CHLSN: variants seen among roughly 807,000 people sequenced by gnomAD.
CHLSN encodes the protein protein cholesin.
chr7:1,019,110 T>G, the CHLSN span, among the ~76,000 whole-genome samples: 2 of 146,896 alleles, frequency 1.4e-5, no homozygotes, highest in Admixed American at 6.9e-5. Flanking sequence ...CAGAACTGCT[T>G]GAACCCGCGG....
At chr7:994,747 C>T in the CHLSN span, among the ~76,000 whole-genome samples, 5 of 152,234 alleles carry the variant, frequency 3.3e-5, no homozygotes, top group African/African-American at 1.2e-4. Flanking sequence ...CATGAGTTAT[C>T]AGTGTGTGGC....
At chr7:1,057,100 C>T in the CHLSN span, among the ~76,000 whole-genome samples, 1 of 152,148 alleles carries the variant, frequency 6.6e-6, no homozygotes, top group Non-Finnish European at 1.5e-5. Flanking sequence ...GCCTGTCCCT[C>T]CCGGCGCTGG....
the CHLSN span, among the ~76,000 whole-genome samples, chr7:1,080,552 C>G: frequency 6.6e-6 from 1 of 152,232 alleles, no homozygotes; most frequent in Admixed American, 6.5e-5. Flanking sequence ...CACCCAGGGA[C>G]GGGCAGAGGA....
chr7:997,918 A>C, the CHLSN span: 3 of 984,766 alleles, frequency 3.0e-6, no homozygotes, highest in Non-Finnish European at 4.6e-6. Flanking sequence ...CCGTCCTCCC[A>C]CTGCGGCCCG....
the CHLSN span, among the ~76,000 whole-genome samples, chr7:1,002,546 TGGGTGAGTGGAGTCCTGC>T: frequency 8.4e-5 from 7 of 83,326 alleles, 1 homozygote; most frequent in Non-Finnish European, 1.6e-4. Context: ...TGGAGCCCTG[TGGGTGAGTGGAGTCCTGC>T]GGGTGAGTGG....
At chr7:1,015,392 T>C in the CHLSN span, among the ~76,000 whole-genome samples, 4 of 152,194 alleles carry the variant, frequency 2.6e-5, no homozygotes, top group Non-Finnish European at 5.9e-5. Flanking sequence ...CCCTGTCTCA[T>C]GAACAGGGTT....
chr7:1,001,264 C>T, the CHLSN span, among the ~76,000 whole-genome samples: 367 of 152,316 alleles, frequency 2.4e-3, 3 homozygotes, highest in Non-Finnish European at 3.9e-3. Flanking sequence ...AGGCTCAGCA[C>T]GGGGGAGGGC....
At chr7:1,057,756 C>T in the CHLSN span, 2 of 775,844 alleles carry the variant, frequency 2.6e-6, no homozygotes, top group Non-Finnish European at 4.8e-6. Context: ...CGCCCTGGCC[C>T]CTGTGCACCT....
At chr7:1,016,562 C>A in the CHLSN span, among the ~76,000 whole-genome samples, 1 of 144,502 alleles carries the variant, frequency 6.9e-6, no homozygotes, top group Non-Finnish European at 1.5e-5. Context: ...CGCACAGCAG[C>A]GCACACCAGT....
the CHLSN span, among the ~76,000 whole-genome samples, chr7:987,977 T>TG: frequency 3.4e-5 from 2 of 59,132 alleles, no homozygotes; most frequent in Non-Finnish European, 5.6e-5. Context: ...CTGTGTGTCC[T>TG]GGGGGGGTCC....
the CHLSN span, among the ~76,000 whole-genome samples, chr7:1,023,898 C>T: frequency 6.6e-6 from 1 of 152,150 alleles, no homozygotes; most frequent in Non-Finnish European, 1.5e-5. This position sits in a 1 kb window ranked among gnomAD's most constrained non-coding sequence, Gnocchi z 5.0. Context: ...TGGACTGCAG[C>T]GGCACCATCA....
chr7:997,746 G>A, the CHLSN span: 2 of 1,611,124 alleles, frequency 1.2e-6, no homozygotes, highest in South Asian at 2.2e-5. Flanking sequence ...CAGCTCTCGG[G>A]CCCGGCCCTG....
the CHLSN span, among the ~76,000 whole-genome samples, chr7:1,136,129 A>AATATACATAATTATAAAT: frequency 1.2e-5 from 1 of 81,090 alleles, no homozygotes; most frequent in African/African-American, 4.8e-5. Context: ...AATATATATA[A>AATATACATAATTATAAAT]ATATATACAT....
chr7:984,943 C>T, the CHLSN span: 8 of 1,593,002 alleles, frequency 5.0e-6, no homozygotes, highest in Admixed American at 1.7e-5. Flanking sequence ...ACTGTATCTG[C>T]CTACAGGCAT....
the CHLSN span, among the ~76,000 whole-genome samples, chr7:1,102,323 C>T: frequency 6.6e-6 from 1 of 152,238 alleles, no homozygotes; most frequent in Non-Finnish European, 1.5e-5. Context: ...CCGCGCAGTC[C>T]CACTAAAGCT....
the CHLSN span, among the ~76,000 whole-genome samples, chr7:987,845 C>T: frequency 3.4e-5 from 5 of 149,206 alleles, no homozygotes; most frequent in Admixed American, 2.7e-4. Flanking sequence ...CCTCTGTATC[C>T]TGGGGGGGTC....
the CHLSN span, chr7:1,000,619 G>T: frequency 7.7e-7 from 1 of 1,298,238 alleles, no homozygotes; most frequent in Non-Finnish European, 1.1e-6. Context: ...TCTGCCCTGA[G>T]AGATCGGGGA....
chr7:1,104,500 G>A, the CHLSN span, among the ~76,000 whole-genome samples: 2 of 152,248 alleles, frequency 1.3e-5, no homozygotes, highest in South Asian at 4.1e-4. Context: ...ACGCCCGCAT[G>A]TCAGTACTGC....
chr7:997,218 G>A, the CHLSN span: 82 of 162,624 alleles, frequency 5.0e-4, no homozygotes, highest in African/African-American at 1.8e-3. Flanking sequence ...GGAATCAGGC[G>A]GAAGGTGCAG....
Sources: gnomAD v4.1 joint callset for allele counts (sites outside exome capture counted in the v4.1 genomes callset) on GRCh38, gnomAD v4.1.1 for gene constraint, Gnocchi (gnomAD v3.1) non-coding constraint, MANE v1.5 for transcripts, NCBI Gene and HGNC (gene_info 2026-07-23, HGNC 2026-07-21) for gene names.